ENOX1: variants seen among roughly 807,000 people sequenced by gnomAD.
The protein encoded by ENOX1 is ecto-NOX disulfide-thiol exchanger 1, also known as candidate growth-related and time keeping constitutive hydroquinone (NADH) oxidase.
ENOX1 carries 42 observed loss-of-function variants against 82.5 expected under a neutral mutation model. The ratio of observed to expected loss-of-function variants is 0.51; its 90% confidence interval spans 0.40 to 0.66. The LOEUF (loss-of-function observed/expected upper bound fraction) is 0.66, where lower values mean the gene tolerates loss of function less well. ENOX1 is among the 30% of genes least tolerant of loss of function. ENOX1 has a pLI of 0.00. For synonymous variants in ENOX1, 271 were observed against 282.2 expected, an observed-to-expected ratio of 0.96 and a Z score of 0.40; for missense variants, 608 against 811.6, an observed-to-expected ratio of 0.75 and a Z score of 3.05.
At chr13:43,406,790 G>A (rs1005692751) in intron 5 of ENOX1, among the ~76,000 whole-genome samples, 1 of 152,078 alleles carries the variant, frequency 6.6e-6, no homozygotes, top group Non-Finnish European at 1.5e-5. Flanking sequence ...ACCGCGCCCG[G>A]CCAAGTATGA....
chr13:43,468,324 G>T (rs1182670549), intron 3 of ENOX1, among the ~76,000 whole-genome samples: 1 of 151,954 alleles, frequency 6.6e-6, no homozygotes, highest in Non-Finnish European at 1.5e-5. Context: ...TGGGACTACA[G>T]GCGCATGCCA....
At chr13:43,374,715 TA>T (rs1322441548) in intron 5 of ENOX1, among the ~76,000 whole-genome samples, 2 of 152,248 alleles carry the variant, frequency 1.3e-5, no homozygotes, top group Non-Finnish European at 2.9e-5. Flanking sequence ...TTTAGTCATT[TA>T]AAAAGCTGGT....
chr13:43,421,022 G>A (rs1276177261), intron 3 of ENOX1, among the ~76,000 whole-genome samples: 4 of 152,294 alleles, frequency 2.6e-5, no homozygotes, highest in East Asian at 1.9e-4. Context: ...TTTCTGATGA[G>A]ATGACTGTAA....
chr13:43,431,045 A>G (rs1248142845), intron 3 of ENOX1, among the ~76,000 whole-genome samples: 1 of 152,232 alleles, frequency 6.6e-6, no homozygotes, highest in Non-Finnish European at 1.5e-5. Flanking sequence ...GAACATAAAA[A>G]AAAAATCTAA....
At chr13:43,342,192 T>A (rs2049104669) in intron 9 of ENOX1, among the ~76,000 whole-genome samples, 1 of 152,130 alleles carries the variant, frequency 6.6e-6, no homozygotes, top group African/African-American at 2.4e-5. Flanking sequence ...TTGGCAGAAT[T>A]TTCTGTTACT....
rs564060730 is a variant in ENOX1, at chr13:43,619,177, T to A, written c.-219+48302A>T. ...GTTTTCAAGGTAAACAATCATATCA[T>A]CAGCAAACAGTGACAGTTTGACTTC... On this transcript the variant is annotated intron_variant, in intron 2 of 16. Coordinates refer to ENST00000690772, the MANE Select transcript of ENOX1 (RefSeq NM_001347969.2). 5.3e-5 allele frequency among the ~76,000 whole-genome samples: 8 copies of A among 152,222 alleles called. No individual in the cohort carries two copies. The East Asian group carries it at 1.5e-3, about 29-fold the overall frequency.
At chr13:43,447,492 G>A (rs1239943633) in intron 3 of ENOX1, among the ~76,000 whole-genome samples, 1 of 152,020 alleles carries the variant, frequency 6.6e-6, no homozygotes, top group Non-Finnish European at 1.5e-5. Context: ...AGAGGGGTAG[G>A]AACCCTGCAA....
chr13:43,485,427 C>A (rs1308507112), intron 2 of ENOX1, among the ~76,000 whole-genome samples: 1 of 152,136 alleles, frequency 6.6e-6, no homozygotes, highest in Non-Finnish European at 1.5e-5. Context: ...CTTAGAGAGA[C>A]TAGAAAATGA....
chr13:43,358,395 T>C (rs1594125482), intron 7 of ENOX1, among the ~76,000 whole-genome samples: 1 of 149,122 alleles, frequency 6.7e-6, no homozygotes, highest in African/African-American at 2.5e-5. Context: ...AACCCACATA[T>C]TTGGAGGGCT....
At position 43,247,846 on chromosome 13, in the gene ENOX1, TATATATATATATATATATATATATA is replaced by T. The variant is rs2043171154; in HGVS notation, c.1612-11133_1612-11109del. ...GATGCAACATATATATATATATATA[TATATATATATATATATATATATATA>T]TATATATATATATTTTTTTTTTTTT... is the stretch of plus-strand genomic sequence containing the variant. On this transcript the variant is annotated intron_variant, in intron 14 of 16. Coordinates refer to ENST00000690772, the MANE Select transcript of ENOX1 (RefSeq NM_001347969.2). Among the ~76,000 whole-genome samples the T allele has an allele frequency of 7.0e-3, 33 of 4,700 alleles. 2 individuals are homozygous for T. Among genetic ancestry groups the T allele is most frequent in the East Asian group, 0.011 (2 of 180 alleles). The allele number at this position is 4,700 out of a possible 152,430, so 3.1% of individuals were successfully genotyped here. A position where few individuals can be genotyped will look rare whatever the true frequency, so the allele number is the denominator to read the frequency against.
At chr13:43,297,059 T>A (rs1284670508) in intron 12 of ENOX1, among the ~76,000 whole-genome samples, 1 of 152,242 alleles carries the variant, frequency 6.6e-6, no homozygotes, top group African/African-American at 2.4e-5. Flanking sequence ...CTCTGACCTC[T>A]GAATCTCACT....
chr13:43,643,633 GTA>G (rs201615502), intron 2 of ENOX1, among the ~76,000 whole-genome samples: 2,077 of 148,734 alleles, frequency 0.014, 44 homozygotes, highest in African/African-American at 0.048. Context: ...ATGTGTGTGT[GTA>G]TATATATATA....
At chr13:43,572,333 A>C (rs2080221296) in intron 2 of ENOX1, among the ~76,000 whole-genome samples, 1 of 152,214 alleles carries the variant, frequency 6.6e-6, no homozygotes, top group South Asian at 2.1e-4. Context: ...CAAATAACAA[A>C]ACAGAGACCC....
Position 43,406,343 on chromosome 13 carries a change from G to A in ENOX1, c.208+5573C>T, listed in dbSNP as rs147082715. Among the ~76,000 whole-genome samples, 6 of 152,222 alleles carry A rather than the reference G, an allele frequency of 3.9e-5. No individual in the cohort carries two copies. The East Asian group carries it at 1.2e-3, about 29-fold the overall frequency. Reference sequence around the variant, plus strand: ...CAGAAGCAGTGACAGTGAACCCAGAGCTTCTGAAAAAGAAACAGCAAGGTA... The same window carrying A: ...CAGAAGCAGTGACAGTGAACCCAGAACTTCTGAAAAAGAAACAGCAAGGTA... On this transcript the variant is annotated intron_variant, in intron 5 of 16. Transcript: ENST00000690772.
chr13:43,774,869 G>T (rs1187025256), intron 1 of ENOX1, among the ~76,000 whole-genome samples: 2 of 151,780 alleles, frequency 1.3e-5, no homozygotes, highest in African/African-American at 4.8e-5. Context: ...TTTTTTTTGA[G>T]ATGGAGTTTC....
chr13:43,591,523 A>C (rs757333213), intron 2 of ENOX1, among the ~76,000 whole-genome samples: 11 of 152,200 alleles, frequency 7.2e-5, no homozygotes, highest in Non-Finnish European at 1.3e-4. Context: ...GAGGGGCAGC[A>C]AACTGGAGAA....
chr13:43,466,241 CAG>C (rs879729838), intron 3 of ENOX1, among the ~76,000 whole-genome samples: 1 of 151,640 alleles, frequency 6.6e-6, no homozygotes, highest in Non-Finnish European at 1.5e-5. Flanking sequence ...TCAATGGAAA[CAG>C]AAAAAAATCT....
At chr13:43,333,870 G>A (rs1327668976) in intron 9 of ENOX1, among the ~76,000 whole-genome samples, 7 of 152,206 alleles carry the variant, frequency 4.6e-5, no homozygotes, top group Admixed American at 1.3e-4. Context: ...TGATTCACCC[G>A]CCTCGGCCTC....
chr13:43,282,168 T>A (rs572426112), intron 12 of ENOX1, among the ~76,000 whole-genome samples: 46 of 152,292 alleles, frequency 3.0e-4, no homozygotes, highest in African/African-American at 1.1e-3. Context: ...TGCCTGTTAA[T>A]GAGATCTATT....
Sources: allele counts gnomAD v4.1 joint callset (sites outside exome capture counted in the v4.1 genomes callset), GRCh38; gene constraint gnomAD v4.1.1; transcripts MANE v1.5; gene names NCBI Gene and HGNC (gene_info 2026-07-23, HGNC 2026-07-21).